Variants in EXOC1 observed in about 807,000 individuals in gnomAD.
The protein encoded by EXOC1 is SEC3-like 1.
Under a neutral mutation model 107.7 loss-of-function variants are expected in EXOC1, and 67 were observed. The observed-to-expected ratio is 0.62, with a 90% confidence interval of 0.51 to 0.76. The LOEUF (loss-of-function observed/expected upper bound fraction) is 0.76. Among genes scored for constraint, EXOC1 ranks in the 30% least tolerant of loss-of-function variants. The pLI is 0.00. For missense variants in EXOC1, 833 were observed against 1,055.7 expected (o/e 0.79, Z 2.92); for synonymous variants, 348 against 353.5 (o/e 0.98, Z 0.17).
At chr4:55,877,207 T>A (rs1285459278) in intron 8 of EXOC1, 1 of 985,230 alleles carries the variant, frequency 1.0e-6, no homozygotes, top group Admixed American at 6.2e-5. Flanking sequence ...GGTAACCTTA[T>A]CAGGAAATGA....
chr4:55,884,560 A>G (rs1489518155), intron 10 of EXOC1, among the ~76,000 whole-genome samples: 1 of 152,244 alleles, frequency 6.6e-6, no homozygotes, highest in East Asian at 1.9e-4. Flanking sequence ...TTGAAAGAAT[A>G]GCCAGTGACA....
At chr4:55,872,049 T>C in intron 8 of EXOC1, 91 bp downstream of exon 8, 1 of 1,149,072 alleles carries the variant, frequency 8.7e-7, no homozygotes, top group South Asian at 1.5e-5. Flanking sequence ...ATATGTTTAA[T>C]TGGGGTTGCA....
chr4:55,891,988 A>G (rs1187152438), intron 13 of EXOC1, among the ~76,000 whole-genome samples: 1 of 152,216 alleles, frequency 6.6e-6, no homozygotes, highest in Non-Finnish European at 1.5e-5. Context: ...TAAGAGAATA[A>G]GATGAGAGAG....
intron 3 of EXOC1, among the ~76,000 whole-genome samples, chr4:55,862,410 C>T (rs1374270119): frequency 6.6e-6 from 1 of 151,724 alleles, no homozygotes; most frequent in Non-Finnish European, 1.5e-5. Flanking sequence ...TTAACATTAG[C>T]CATTTAGTAT....
At chr4:55,869,308 G>A (rs1220352345) in intron 5 of EXOC1, among the ~76,000 whole-genome samples, 5 of 152,160 alleles carry the variant, frequency 3.3e-5, no homozygotes, top group Non-Finnish European at 7.3e-5. Context: ...AGAGGTTGCC[G>A]TGAACTGAGA....
At chr4:55,877,823 G>T in intron 8 of EXOC1, 94 bp from the exon 9 acceptor site, 1 of 1,536,562 alleles carries the variant, frequency 6.5e-7, no homozygotes, top group South Asian at 1.2e-5. Flanking sequence ...TTATTGGTTT[G>T]GCTTGGCCAC....
intron 15 of EXOC1, among the ~76,000 whole-genome samples, chr4:55,895,972 A>G (rs1725155014): frequency 6.6e-6 from 1 of 152,140 alleles, no homozygotes; most frequent in Non-Finnish European, 1.5e-5. Context: ...AAACTTGACC[A>G]CGTGGCCACC....
Position 55,875,404 on chromosome 4 carries a change from A to G in EXOC1, c.1075-2513A>G, listed in dbSNP as rs903389854. 9.2e-6 allele frequency: 9 copies of G among 978,754 alleles called. No homozygotes were observed. The East Asian group carries it at 9.1e-4, about 99-fold the overall frequency. The allele number at this position is 978,754 out of a possible 1,614,324, so 60.6% of individuals were successfully genotyped here. A position where few individuals can be genotyped will look rare whatever the true frequency, so the allele number is the denominator to read the frequency against. ...AATAAGTAAGTATGCCATAACAGAAAGAAGGAGTTCCAAATCTTGAAAATT... is the reference window on the plus strand; with the variant it reads ...AATAAGTAAGTATGCCATAACAGAAGGAAGGAGTTCCAAATCTTGAAAATT... On this transcript the variant is annotated intron_variant, in intron 8 of 18. Transcript: ENST00000381295.
chr4:55,858,520 G>T, intron 2 of EXOC1, 73 bp downstream of exon 2: 1 of 1,440,120 alleles, frequency 6.9e-7, no homozygotes, highest in South Asian at 1.6e-5. Flanking sequence ...TCTTTGTTTT[G>T]AATATCCTCA....
chr4:55,902,143 A>G, intron 17 of EXOC1: 1 of 367,998 alleles, frequency 2.7e-6, no homozygotes, highest in East Asian at 4.2e-5. Flanking sequence ...GTATTCACAC[A>G]TCAAAAGATT....
At chr4:55,894,041 G>C (rs1724895724) in intron 15 of EXOC1, among the ~76,000 whole-genome samples, 1 of 152,054 alleles carries the variant, frequency 6.6e-6, no homozygotes, top group Non-Finnish European at 1.5e-5. Flanking sequence ...AGATCCACTG[G>C]AGGCCAGACG....
Position 55,871,834 on chromosome 4 carries a change from G to A in EXOC1, c.965-15G>A, listed in dbSNP as rs368588125. ...TTACCCATTAAACTGGTCACAAAAT[G>A]TCGTTCTGTGTCAGGCCATGACTTG... is the stretch of plus-strand genomic sequence containing the variant. On this transcript the variant is annotated splice_polypyrimidine_tract_variant and intron_variant, in intron 7 of 18. Transcript: ENST00000381295. The A allele has an allele frequency of 1.1e-5, 18 of 1,609,766 alleles. No homozygotes were observed. Among genetic ancestry groups the A allele is most frequent in the Non-Finnish European group, 1.4e-5 (17 of 1,177,514 alleles).
chr4:55,877,435 A>T (rs1289527197), intron 8 of EXOC1: 1 of 985,278 alleles, frequency 1.0e-6, no homozygotes, highest in African/African-American at 1.7e-5. Flanking sequence ...CAAGGTTCCA[A>T]TTCCAAGCTC....
chr4:55,900,138 A>G (rs954266259), intron 17 of EXOC1, among the ~76,000 whole-genome samples: 1 of 152,122 alleles, frequency 6.6e-6, no homozygotes, highest in African/African-American at 2.4e-5. Context: ...ATTATGCATT[A>G]TTTCTTTTAA....
At chr4:55,856,308 T>G (rs1324732650) in intron 1 of EXOC1, among the ~76,000 whole-genome samples, 1 of 152,148 alleles carries the variant, frequency 6.6e-6, no homozygotes, top group Non-Finnish European at 1.5e-5. Flanking sequence ...GGGGATAGTT[T>G]AGGTATAGGG....
intron 10 of EXOC1, among the ~76,000 whole-genome samples, chr4:55,887,123 A>AT (rs758398691): frequency 1.7e-4 from 25 of 151,440 alleles, no homozygotes; most frequent in Middle Eastern, 3.4e-3. Context: ...AAATTTAGTA[A>AT]TTTTTTTTTA....
At chr4:55,876,856 T>G (rs1304700450) in intron 8 of EXOC1, 4 of 985,140 alleles carry the variant, frequency 4.1e-6, no homozygotes, top group Non-Finnish European at 3.6e-6. Flanking sequence ...TATTCTCACA[T>G]GAAGAAAATT....
In EXOC1 at chr4:55,860,528, A is replaced by G; in HGVS notation, c.242A>G (p.Lys81Arg). 1 of 1,613,980 alleles carries G rather than the reference A, an allele frequency of 6.2e-7. No individual in the cohort carries two copies. Among genetic ancestry groups the G allele is most frequent in the Non-Finnish European group, 8.5e-7 (1 of 1,179,852 alleles). ...ALRDLAVVDAKDAIKENPEFD... is the reference protein window; with the variant it reads ...ALRDLAVVDARDAIKENPEFD... The stretch of plus-strand genomic sequence containing the variant: ...CGAGATCTTGCTGTGGTAGATGCCA[A>G]AGATGCTATCAAAGTAGGTTTTTCT... Residue 81 changes from lysine to arginine, a missense_variant, in exon 3 of 19, where the codon AAA (lysine) becomes AGA (arginine). Coordinates refer to ENST00000381295, the MANE Select transcript of EXOC1 (RefSeq NM_001024924.2).
In EXOC1 at chr4:55,905,056, T is replaced by C. The variant is rs1726450871; in HGVS notation, c.*561T>C. 1.3e-5 allele frequency: 2 copies of C among 152,202 alleles called. No individual in the cohort carries two copies. The highest frequency in any genetic ancestry group is 4.1e-4 in the South Asian group (2 of 4,830). 9.4% of individuals were successfully genotyped at this position (152,202 alleles called of 1,614,324 possible). ...TTTTTAGGTCTATCATATGCTGTCT[T>C]CTGTATTAAAGCAAGTTCTTACAAA... On this transcript the variant is annotated 3_prime_UTR_variant, in exon 19 of 19. Transcript: ENST00000381295.
Sources: allele counts gnomAD v4.1 joint callset (sites outside exome capture counted in the v4.1 genomes callset), GRCh38; gene constraint gnomAD v4.1.1; transcripts MANE v1.5; gene names NCBI Gene and HGNC (gene_info 2026-07-23, HGNC 2026-07-21).